The following MID2 variants were observed in gnomAD, a reference collection of about 807,000 sequenced individuals.
MID2 encodes probable E3 ubiquitin-protein ligase MID2.
In MID2, 13 loss-of-function variants were observed where a neutral mutation model predicts 46.1. The observed-to-expected ratio is 0.28, with a 90% CI of 0.18 to 0.45. MID2 has a LOEUF of 0.45. Ranked by LOEUF, MID2 falls within the 20% of genes least tolerant of loss-of-function variation. The pLI is 1.00. For missense variants in MID2, 431 were observed against 575.4 expected (o/e 0.75, Z 2.57); for synonymous variants, 199 against 212.3 (o/e 0.94, Z 0.55).
rs1380646823 is a variant in MID2, at chrX:107,930,732, G to A, written c.*3659G>A. 8.9e-6 allele frequency among the ~76,000 whole-genome samples: 1 copy of A among 112,145 alleles called. No homozygotes were observed. Among genetic ancestry groups the A allele is most frequent in the African/African-American group, 3.2e-5 (1 of 30,890 alleles). On this transcript the variant is annotated 3_prime_UTR_variant, in exon 10 of 10. Transcript: ENST00000262843. ...AATTGGCTACCTCTAGCTAAACCCA[G>A]CTGGACAAAGAGAATAGGACTTGTA...
At chrX:107,892,588 C>T (rs766849208) in intron 3 of MID2, among the ~76,000 whole-genome samples, 5 of 111,660 alleles carry the variant, frequency 4.5e-5, no homozygotes, top group Non-Finnish European at 7.5e-5. Context: ...AAATGCAAAA[C>T]CTGTCATGTC....
intron 3 of MID2, among the ~76,000 whole-genome samples, chrX:107,890,532 G>T (rs1932574628): frequency 8.9e-6 from 1 of 112,042 alleles, no homozygotes; most frequent in Non-Finnish European, 1.9e-5. Context: ...GCCCCTACTG[G>T]GGGGTGCCTC....
At chrX:107,918,392 A>G (rs1165590957) in intron 7 of MID2, among the ~76,000 whole-genome samples, 1 of 111,659 alleles carries the variant, frequency 9.0e-6, no homozygotes, top group Non-Finnish European at 1.9e-5. Flanking sequence ...AAGCAAAATT[A>G]AAGCTGGATT....
intron 1 of MID2, among the ~76,000 whole-genome samples, chrX:107,837,659 A>G (rs1229891050): frequency 9.1e-6 from 1 of 110,461 alleles, no homozygotes; most frequent in Non-Finnish European, 1.9e-5. Flanking sequence ...AGGTGAGATG[A>G]TTGAAATAAA....
intron 3 of MID2, chrX:107,896,144 C>T (rs1466390615): frequency 1.8e-5 from 2 of 111,053 alleles, no homozygotes; most frequent in African/African-American, 6.5e-5. Flanking sequence ...GTCAGGTGTT[C>T]GAGACCAGCC....
chrX:107,905,146 A>G (rs952783609), intron 4 of MID2, among the ~76,000 whole-genome samples: 3 of 111,845 alleles, frequency 2.7e-5, no homozygotes, highest in African/African-American at 9.8e-5. Context: ...TTTCTTTTAT[A>G]CTTTTTATTT....
intron 3 of MID2, among the ~76,000 whole-genome samples, chrX:107,890,060 C>T (rs943710886): frequency 1.8e-5 from 2 of 111,480 alleles, no homozygotes; most frequent in Admixed American, 1.9e-4. Context: ...GCCTTGGATT[C>T]GAACTTCCTC....
At chrX:107,866,671 C>T (rs774651245) in intron 3 of MID2, among the ~76,000 whole-genome samples, 8 of 112,089 alleles carry the variant, frequency 7.1e-5, no homozygotes, top group Admixed American at 2.8e-4. Context: ...TCCCTGTCTT[C>T]AAGGACTTTA....
chrX:107,859,700 G>C (rs1315549564), intron 3 of MID2, among the ~76,000 whole-genome samples: 1 of 112,575 alleles, frequency 8.9e-6, no homozygotes, highest in East Asian at 2.8e-4. Flanking sequence ...CTTAGGAAAG[G>C]CTGCAGAATG....
intron 3 of MID2, among the ~76,000 whole-genome samples, chrX:107,885,969 A>G (rs182923045): frequency 0.018 from 1,956 of 110,350 alleles, 50 homozygotes; most frequent in African/African-American, 0.06. Flanking sequence ...TGATGGGGTT[A>G]TTTGTTTTTT....
chrX:107,845,525 A>ACACACTCTCTCTCCCTCT (rs1276957001), intron 2 of MID2, among the ~76,000 whole-genome samples: 1 of 72,982 alleles, frequency 1.4e-5, no homozygotes, highest in African/African-American at 7.6e-5. Flanking sequence ...ACACACACAC[A>ACACACTCTCTCTCCCTCT]CTCTCTCTCT....
chrX:107,836,075 A>C (rs182842926), intron 1 of MID2, among the ~76,000 whole-genome samples: 44 of 112,014 alleles, frequency 3.9e-4, no homozygotes, highest in Admixed American at 4.7e-4. Flanking sequence ...ATCCTCTTGC[A>C]TGTGGATATC....
chrX:107,827,428 A>G (rs962460573), intron 1 of MID2, among the ~76,000 whole-genome samples: 13 of 109,996 alleles, frequency 1.2e-4, no homozygotes, highest in African/African-American at 4.3e-4. Flanking sequence ...CTTCTCAACC[A>G]CTTTGCCTTT....
chrX:107,873,142 A>G (rs1330964125), intron 3 of MID2, among the ~76,000 whole-genome samples: 1 of 111,521 alleles, frequency 9.0e-6, no homozygotes. Context: ...AGGGAGTCCA[A>G]AGCAAGGAAT....
intron 3 of MID2, among the ~76,000 whole-genome samples, chrX:107,898,098 A>G (rs781754566): frequency 9.0e-6 from 1 of 111,544 alleles, no homozygotes; most frequent in South Asian, 3.8e-4. Context: ...TCCCCCTCCC[A>G]GTTCTTCATG....
At chrX:107,868,393 C>G (rs753177172) in intron 3 of MID2, among the ~76,000 whole-genome samples, 1 of 111,206 alleles carries the variant, frequency 9.0e-6, no homozygotes, top group Non-Finnish European at 1.9e-5. Flanking sequence ...ACTTAAATAT[C>G]TTGAAATGTC....
intron 1 of MID2, among the ~76,000 whole-genome samples, chrX:107,829,717 A>AG (rs1931048232): frequency 9.0e-6 from 1 of 111,196 alleles, no homozygotes; most frequent in Non-Finnish European, 1.9e-5. Context: ...TAGGTCAGGG[A>AG]GGGGCTGTGC....
chrX:107,920,173 A>AG (rs1933044064), intron 7 of MID2, among the ~76,000 whole-genome samples: 1 of 112,398 alleles, frequency 8.9e-6, no homozygotes, highest in South Asian at 3.7e-4. Flanking sequence ...GGCCTGCCAC[A>AG]GTTGACTGAA....
chrX:107,924,602 A>C (rs1933138309), intron 8 of MID2, 98 bp downstream of exon 8: 1 of 917,393 alleles, frequency 1.1e-6, no homozygotes, highest in East Asian at 3.2e-5. Context: ...CATGGGGAGC[A>C]GTGGTACTGG....
Sources: gnomAD v4.1 joint callset for allele counts (sites outside exome capture counted in the v4.1 genomes callset) on GRCh38, gnomAD v4.1.1 for gene constraint, MANE v1.5 for transcripts, NCBI Gene and HGNC (gene_info 2026-07-23, HGNC 2026-07-21) for gene names.